Variants in PSME3 observed in about 807,000 individuals in gnomAD.
The protein encoded by PSME3 is proteasome activator complex subunit 3.
Under a neutral mutation model 38.3 loss-of-function variants are expected in PSME3, and 7 were observed. The observed-to-expected ratio is 0.18, with a 90% confidence interval of 0.10 to 0.34. PSME3 has a LOEUF of 0.34. Ranked by LOEUF, PSME3 falls within the 10% of genes least tolerant of loss-of-function variation. PSME3 has a pLI of 1.00. For synonymous variants in PSME3, 108 were observed against 105.7 expected, an observed-to-expected ratio of 1.02 and a Z score of -0.13; for missense variants, 192 against 307.6, an observed-to-expected ratio of 0.62 and a Z score of 2.81.
At chr17:42,838,549 C>T (rs1367666371) in intron 6 of PSME3, 182 bp from the exon 7 acceptor site, 1 of 682,184 alleles carries the variant, frequency 1.5e-6, no homozygotes, top group Non-Finnish European at 2.5e-6. Context: ...AACTCCTGAC[C>T]TCAGGTGATC....
chr17:42,839,816 G>A (rs1195476144), intron 10 of PSME3, among the ~76,000 whole-genome samples: 2 of 151,980 alleles, frequency 1.3e-5, no homozygotes, highest in East Asian at 3.9e-4. Context: ...GATCAACATG[G>A]CGAAAGCTCG....
chr17:42,838,402 G>A (rs1597954628), intron 6 of PSME3, among the ~76,000 whole-genome samples, 197 bp downstream of exon 6: 1 of 152,068 alleles, frequency 6.6e-6, no homozygotes, highest in Admixed American at 6.6e-5. Context: ...CTGCCTCCTG[G>A]GTTCAAGTGA....
chr17:42,833,462 C>G lies in PSME3; in HGVS notation c.-170C>G, dbSNP rs577417081. The G allele has an allele frequency of 2.6e-5, 19 of 739,582 alleles. No homozygotes were observed. The South Asian group carries it at 3.3e-4, about 13-fold the overall frequency. The allele number at this position is 739,582 out of a possible 1,614,324, so 45.8% of individuals were successfully genotyped here. On this transcript the variant is annotated 5_prime_UTR_variant, in exon 1 of 11. Transcript: ENST00000590720. ...GAGAGAGCAAGCAGGCAGCAGGCTG[C>G]CGGCGGGCGGGCGGACGGCACAGAG... is the stretch of plus-strand genomic sequence containing the variant.
Position 42,834,886 on chromosome 17 carries a change from C to A in PSME3, c.243+10C>A. The A allele has an allele frequency of 1.9e-6, 3 of 1,613,068 alleles. No homozygotes were observed. Among genetic ancestry groups the A allele is most frequent in the Non-Finnish European group, 2.5e-6 (3 of 1,179,624 alleles). The stretch of plus-strand genomic sequence containing the variant: ...TGATGGACTGGATGGTGTAAGTGTC[C>A]TATATTTATCTTTGTGTTCTTGAGC... On this transcript the variant is annotated intron_variant, in intron 4 of 10. Coordinates refer to ENST00000590720, the MANE Select transcript of PSME3 (RefSeq NM_005789.4).
chr17:42,841,438 T>A, intron 10 of PSME3, 60 bp from the exon 11 acceptor site: 1 of 1,116,584 alleles, frequency 9.0e-7, no homozygotes, highest in East Asian at 2.6e-5. Context: ...GGGTCTCTCA[T>A]TTTCTTGATG....
At chr17:42,839,920 C>T (rs1019136163) in intron 10 of PSME3, among the ~76,000 whole-genome samples, 5 of 151,828 alleles carry the variant, frequency 3.3e-5, no homozygotes, top group African/African-American at 9.7e-5. Flanking sequence ...CACTTGAACC[C>T]GGGAGTTGGA....
chr17:42,834,334 T>C lies in PSME3; in HGVS notation c.43-10T>C, dbSNP rs372630551. 180 of 1,613,982 alleles carry C rather than the reference T, an allele frequency of 1.1e-4. No individual in the cohort carries two copies. Among genetic ancestry groups the C allele is most frequent in the Non-Finnish European group, 8.0e-5 (94 of 1,180,002 alleles). Reference sequence around the variant, plus strand: ...CCCAGGTACTGAATTGCTCTCTTTGTTAATTTTAGGTTGATTCTTTCAGGG... The same window carrying C: ...CCCAGGTACTGAATTGCTCTCTTTGCTAATTTTAGGTTGATTCTTTCAGGG... On this transcript the variant is annotated splice_polypyrimidine_tract_variant and intron_variant, in intron 1 of 10. Coordinates refer to ENST00000590720, the MANE Select transcript of PSME3 (RefSeq NM_005789.4).
chr17:42,834,324 G>A lies in PSME3; in HGVS notation c.43-20G>A, dbSNP rs1254471010. 2 of 1,613,938 alleles carry A rather than the reference G, an allele frequency of 1.2e-6. No individual in the cohort carries two copies. Among genetic ancestry groups the A allele is most frequent in the Non-Finnish European group, 1.7e-6 (2 of 1,179,990 alleles). On this transcript the variant is annotated intron_variant, in intron 1 of 10. Coordinates refer to ENST00000590720, the MANE Select transcript of PSME3 (RefSeq NM_005789.4). The stretch of plus-strand genomic sequence containing the variant: ...TACCTCTGTCCCCAGGTACTGAATT[G>A]CTCTCTTTGTTAATTTTAGGTTGAT...
chr17:42,835,514 A>T lies in PSME3; in HGVS notation c.243+638A>T, dbSNP rs183143790. Among the ~76,000 whole-genome samples the T allele has an allele frequency of 1.8e-4, 27 of 152,296 alleles. No homozygotes were observed. In the East Asian group the frequency reaches 4.8e-3, roughly 27 times the overall value. ...GCCGACGTGGACGGATCATGAGGTCAGGAGATCAAGACCATCCTGGCTAAC... is the reference window on the plus strand; with the variant it reads ...GCCGACGTGGACGGATCATGAGGTCTGGAGATCAAGACCATCCTGGCTAAC... On this transcript the variant is annotated intron_variant, in intron 4 of 10. Coordinates refer to ENST00000590720, the MANE Select transcript of PSME3 (RefSeq NM_005789.4).
chr17:42,833,818 G>A, intron 1 of PSME3, 145 bp downstream of exon 1: 1 of 1,566,208 alleles, frequency 6.4e-7, no homozygotes, highest in Non-Finnish European at 8.7e-7. Flanking sequence ...CAACTCCCGG[G>A]GTCGGCTTCG....
chr17:42,839,037 G>A, intron 8 of PSME3, 25 bp downstream of exon 8: 2 of 1,612,120 alleles, frequency 1.2e-6, no homozygotes, highest in Non-Finnish European at 1.7e-6. Flanking sequence ...GCTTGGCCGA[G>A]GCGTTGGGGG....
At chr17:42,840,811 C>T (rs1245846456) in intron 10 of PSME3, among the ~76,000 whole-genome samples, 1 of 152,048 alleles carries the variant, frequency 6.6e-6, no homozygotes, top group African/African-American at 2.4e-5. Context: ...GTGCTGCCAC[C>T]CTGAATGCAG....
chr17:42,834,167 C>T, intron 1 of PSME3, 177 bp from the exon 2 acceptor site: 1 of 1,512,140 alleles, frequency 6.6e-7, no homozygotes. Flanking sequence ...CCTCAAAGCC[C>T]TGCGTTCTTC....
In PSME3 at chr17:42,843,210, T is replaced by C. The variant is rs936970859; in HGVS notation, c.*1632T>C. On this transcript the variant is annotated 3_prime_UTR_variant, in exon 11 of 11. Transcript: ENST00000590720. ...ATTCTTTTACCATGTCAAGAAATTA[T>C]TAAAAATACAGGTACTTTGACCTCT... The C allele has an allele frequency of 6.5e-6, 1 of 152,758 alleles. No homozygotes were observed. Among genetic ancestry groups the C allele is most frequent in the Non-Finnish European group, 1.5e-5 (1 of 68,050 alleles). The allele number at this position is 152,758 out of a possible 1,614,324, so 9.5% of individuals were successfully genotyped here. A position where few individuals can be genotyped will look rare whatever the true frequency, so the allele number is the denominator to read the frequency against.
intron 1 of PSME3, 99 bp from the exon 2 acceptor site, chr17:42,834,245 T>C (rs771580440): frequency 6.3e-7 from 1 of 1,598,090 alleles, no homozygotes; most frequent in Non-Finnish European, 8.5e-7. Context: ...AGCTTCTTAT[T>C]ACAGTTACAA....
At chr17:42,837,240 G>A (rs1420587530) in intron 4 of PSME3, among the ~76,000 whole-genome samples, 1 of 152,024 alleles carries the variant, frequency 6.6e-6, no homozygotes, top group Non-Finnish European at 1.5e-5. Context: ...TAGTGGAGAT[G>A]AGGTTTCACT....
intron 6 of PSME3, 110 bp downstream of exon 6, chr17:42,838,315 G>GTTT: frequency 7.5e-7 from 1 of 1,334,112 alleles, no homozygotes; most frequent in Non-Finnish European, 9.9e-7. Flanking sequence ...GTTTTTTTGA[G>GTTT]TTTTTTTTTT....
chr17:42,837,475 G>T (rs1427167235), intron 4 of PSME3, among the ~76,000 whole-genome samples, 174 bp from the exon 5 acceptor site: 1 of 152,168 alleles, frequency 6.6e-6, no homozygotes, highest in African/African-American at 2.4e-5. Context: ...ATGAGCCACC[G>T]CGCCTTGCCT....
chr17:42,840,046 G>A (rs1285544869), intron 10 of PSME3, among the ~76,000 whole-genome samples: 1 of 148,912 alleles, frequency 6.7e-6, no homozygotes, highest in Non-Finnish European at 1.5e-5. Flanking sequence ...GGAGGCCAAG[G>A]TGGGTGGATC....
Sources: allele counts gnomAD v4.1 joint callset (sites outside exome capture counted in the v4.1 genomes callset), GRCh38; gene constraint gnomAD v4.1.1; transcripts MANE v1.5; gene names NCBI Gene and HGNC (gene_info 2026-07-23, HGNC 2026-07-21).